The following CUX1 variants were observed in gnomAD, a reference collection of about 807,000 sequenced individuals.
CUX1 encodes protein CASP.
A neutral mutation model predicts 158.8 loss-of-function variants in CUX1; 31 were observed. The ratio of observed to expected loss-of-function variants is 0.20; its 90% CI spans 0.15 to 0.26. The LOEUF is 0.26. Among genes scored for constraint, CUX1 ranks in the 10% least tolerant of loss-of-function variants. The pLI is 1.00. For missense variants in CUX1, 1,589 were observed against 2,014.6 expected (o/e 0.79, Z 4.04); for synonymous variants, 879 against 862.1 (o/e 1.02, Z -0.34).
At chr7:101,973,329 G>A (rs529527865) in intron 2 of CUX1, among the ~76,000 whole-genome samples, 68 of 152,152 alleles carry the variant, frequency 4.5e-4, no homozygotes, top group African/African-American at 1.5e-3. Context: ...TCACACTCAC[G>A]TTCATCACGG....
At chr7:102,140,435 G>A (rs1021199142) in intron 8 of CUX1, among the ~76,000 whole-genome samples, 3 of 151,976 alleles carry the variant, frequency 2.0e-5, no homozygotes, top group East Asian at 3.9e-4. Context: ...TAGTAGAGAC[G>A]GGGTTTCACC....
chr7:102,203,026 A>T (rs2132049959), intron 18 of CUX1, among the ~76,000 whole-genome samples: 1 of 152,200 alleles, frequency 6.6e-6, no homozygotes, highest in African/African-American at 2.4e-5. Context: ...GAGTGCAGTG[A>T]CGCTATCTCG....
At chr7:102,130,719 C>T (rs1554496882) in intron 8 of CUX1, among the ~76,000 whole-genome samples, 1 of 152,054 alleles carries the variant, frequency 6.6e-6, no homozygotes, top group Non-Finnish European at 1.5e-5. Flanking sequence ...CCTTGCTATC[C>T]AAATAGCCTG....
chr7:102,092,325 C>T (rs1689113893), intron 4 of CUX1, among the ~76,000 whole-genome samples: 1 of 152,166 alleles, frequency 6.6e-6, no homozygotes, highest in African/African-American at 2.4e-5. Flanking sequence ...ACCACGGGAC[C>T]TTTCACTGGG....
chr7:101,862,287 G>A (rs1280907843), intron 1 of CUX1, among the ~76,000 whole-genome samples: 2 of 151,754 alleles, frequency 1.3e-5, no homozygotes, highest in African/African-American at 2.4e-5. Context: ...GGTGTGTGGC[G>A]GGAAGGTCAG....
intron 2 of CUX1, among the ~76,000 whole-genome samples, chr7:101,922,980 C>T (rs1239057427): frequency 6.6e-6 from 1 of 152,272 alleles, no homozygotes; most frequent in Non-Finnish European, 1.5e-5. Flanking sequence ...TGTCTCTTAG[C>T]TTTTCCGTTT....
At chr7:102,054,837 G>A (rs1823951049) in intron 3 of CUX1, among the ~76,000 whole-genome samples, 1 of 152,138 alleles carries the variant, frequency 6.6e-6, no homozygotes. Context: ...CAAGCATGGT[G>A]GCGCGTTCCT....
rs144453418 is a variant in CUX1, at chr7:101,862,681, GC to G, written c.30+45013del. Among the ~76,000 whole-genome samples the G allele has an allele frequency of 9.9e-3, 1,512 of 152,250 alleles. 28 individuals carry two copies. Among genetic ancestry groups the G allele is most frequent in the African/African-American group, 0.033 (1,388 of 41,522 alleles). On this transcript the variant is annotated intron_variant, in intron 1 of 23. Transcript: ENST00000292535. ...GGACATATTAAACCTGGTGTAATTT[GC>G]AAGTGTGCCCTGAACACGTTTCATC... is the stretch of plus-strand genomic sequence containing the variant.
Position 102,134,959 on chromosome 7 carries a change from G to T in CUX1, c.674+19686G>T, listed in dbSNP as rs560289521. Among the ~76,000 whole-genome samples, 52 of 152,150 alleles carry T rather than the reference G, an allele frequency of 3.4e-4. 1 individual carries two copies. The South Asian group carries it at 8.9e-3, about 26-fold the overall frequency. ...GTAAAAATGGGTACAGTGGAAACTGGGCAGTAATTCTACACGTATTCTGGA... is the reference window on the plus strand; with the variant it reads ...GTAAAAATGGGTACAGTGGAAACTGTGCAGTAATTCTACACGTATTCTGGA... On this transcript the variant is annotated intron_variant, in intron 8 of 23. Transcript: ENST00000292535.
At chr7:102,034,572 G>A (rs928180922) in intron 3 of CUX1, among the ~76,000 whole-genome samples, 2 of 152,056 alleles carry the variant, frequency 1.3e-5, no homozygotes, top group African/African-American at 2.4e-5. Flanking sequence ...GGCCAACATG[G>A]TGAAACCCCA....
chr7:101,848,347 G>C (rs1382120297), intron 1 of CUX1, among the ~76,000 whole-genome samples: 1 of 152,136 alleles, frequency 6.6e-6, no homozygotes, highest in Non-Finnish European at 1.5e-5. Flanking sequence ...GGTGTGAGCA[G>C]CTTCCACATC....
intron 21 of CUX1, among the ~76,000 whole-genome samples, chr7:102,229,193 G>A (rs560949415): frequency 1.1e-3 from 160 of 152,120 alleles, no homozygotes; most frequent in African/African-American, 3.8e-3. Flanking sequence ...ACCTGGCCTC[G>A]GCCTGGCACA....
intron 1 of CUX1, among the ~76,000 whole-genome samples, chr7:101,825,430 G>T (rs1021423900): frequency 2.6e-5 from 4 of 152,184 alleles, no homozygotes; most frequent in Non-Finnish European, 5.9e-5. Context: ...TGCAGTCACC[G>T]ATGAGCCTGG....
rs1482515603 is a variant in CUX1 at position 102,257,402 on chromosome 7, C to A, written c.*8360C>A. On this transcript the variant is annotated 3_prime_UTR_variant, in exon 24 of 24. Coordinates refer to ENST00000292535, the MANE Select transcript of CUX1 (RefSeq NM_181552.4). ...TTGAGAAAACGGGCATCTCACGTAC[C>A]CCCATCTGAGACCTCTTGGAAAAAA... 1.1e-5 allele frequency: 11 copies of A among 984,896 alleles called. No homozygotes were observed. Among genetic ancestry groups the A allele is most frequent in the Non-Finnish European group, 1.2e-5 (10 of 829,864 alleles). 61.0% of individuals were successfully genotyped at this position (984,896 alleles called of 1,614,324 possible).
At position 102,043,226 on chromosome 7, in the gene CUX1, C is replaced by T. The variant is rs541767727; in HGVS notation, c.189+15081C>T. On this transcript the variant is annotated intron_variant, in intron 3 of 23. Transcript: ENST00000292535. Reference sequence around the variant, plus strand: ...TCATTCTCCCAAAGTGGTGGGATTACAGGCGTGATCCACCACACCCAGCCC... The same window carrying T: ...TCATTCTCCCAAAGTGGTGGGATTATAGGCGTGATCCACCACACCCAGCCC... Among the ~76,000 whole-genome samples, 6 of 152,218 alleles carry T rather than the reference C, an allele frequency of 3.9e-5. No homozygotes were observed. In the South Asian group the frequency reaches 8.3e-4, roughly 21 times the overall value.
At chr7:102,015,986 A>G (rs1818538134) in intron 2 of CUX1, among the ~76,000 whole-genome samples, 1 of 150,884 alleles carries the variant, frequency 6.6e-6, no homozygotes. Context: ...CTACTTTTTA[A>G]AATTTTTTTG....
intron 1 of CUX1, chr7:101,824,657 T>TG (rs1407703203): frequency 6.6e-6 from 1 of 152,148 alleles, no homozygotes; most frequent in African/African-American, 2.4e-5. Context: ...CTGGAGCCCT[T>TG]GCTGTCAGGA....
chr7:101,903,789 G>T (rs1433664861), intron 1 of CUX1, among the ~76,000 whole-genome samples: 1 of 152,022 alleles, frequency 6.6e-6, no homozygotes, highest in Non-Finnish European at 1.5e-5. Context: ...GATACATCTG[G>T]CATTTTCATC....
At chr7:102,219,656 T>G (rs1210250042) in intron 20 of CUX1, among the ~76,000 whole-genome samples, 1 of 152,150 alleles carries the variant, frequency 6.6e-6, no homozygotes, top group Non-Finnish European at 1.5e-5. Context: ...TGATATTCCT[T>G]AGGATGTTGT....
Sources: gnomAD v4.1 joint callset for allele counts (sites outside exome capture counted in the v4.1 genomes callset) on GRCh38, gnomAD v4.1.1 for gene constraint, MANE v1.5 for transcripts, NCBI Gene and HGNC (gene_info 2026-07-23, HGNC 2026-07-21) for gene names.